The following RPA3 variants were observed in gnomAD, a reference collection of about 807,000 sequenced individuals.
The protein encoded by RPA3 is replication protein A3.
A neutral mutation model predicts 13.7 loss-of-function variants in RPA3; 24 were observed. That is an observed-to-expected ratio of 1.75 (90% CI 1.27 to 2.46). The LOEUF is 2.46. RPA3 is among the 30% of genes most tolerant of loss of function. The pLI, the probability that RPA3 is intolerant of heterozygous loss-of-function variation, is 0.00. For synonymous variants in RPA3, 59 were observed against 51.2 expected (o/e 1.15, Z -0.65); for missense variants, 183 against 151.0 (o/e 1.21, Z -1.11).
At chr7:7,714,229 A>G (rs1780836816) in intron 2 of RPA3, among the ~76,000 whole-genome samples, 1 of 152,192 alleles carries the variant, frequency 6.6e-6, no homozygotes, top group African/African-American at 2.4e-5. Flanking sequence ...CTCCACTTAT[A>G]TGACTTTGCA....
chr7:7,651,941 C>T (rs1452239174), intron 4 of RPA3, among the ~76,000 whole-genome samples: 1 of 152,130 alleles, frequency 6.6e-6, no homozygotes, highest in Non-Finnish European at 1.5e-5. Flanking sequence ...CCATTCAAAC[C>T]ACTGCCCTCC....
At chr7:7,716,472 G>T (rs4634522) in intron 1 of RPA3, among the ~76,000 whole-genome samples, 18,965 of 152,222 alleles carry the variant, frequency 0.12, 1,373 homozygotes, top group African/African-American at 0.2. Context: ...TAAGCAAGCT[G>T]GAAGCTTGCA....
At chr7:7,660,975 T>C (rs764558429) in intron 4 of RPA3, among the ~76,000 whole-genome samples, 7 of 150,462 alleles carry the variant, frequency 4.7e-5, no homozygotes, top group Non-Finnish European at 8.8e-5. Context: ...CATAGTCCCA[T>C]ATTTCTTGGA....
At chr7:7,662,628 C>A (rs1785504129) in intron 4 of RPA3, among the ~76,000 whole-genome samples, 1 of 152,120 alleles carries the variant, frequency 6.6e-6, no homozygotes, top group African/African-American at 2.4e-5. Context: ...TTTCTGTTCG[C>A]CCTCCTTGGG....
At chr7:7,690,622 A>G (rs527803323) in intron 2 of RPA3, among the ~76,000 whole-genome samples, 56 of 152,202 alleles carry the variant, frequency 3.7e-4, no homozygotes, top group Non-Finnish European at 7.3e-4. Flanking sequence ...CTAAACAGCC[A>G]CATATGTAAA....
At chr7:7,699,067 C>T (rs1487134037) in intron 2 of RPA3, among the ~76,000 whole-genome samples, 5 of 150,730 alleles carry the variant, frequency 3.3e-5, no homozygotes, top group Admixed American at 2.6e-4. Context: ...GGGTAGATAC[C>T]AGGTTTGCTA....
At chr7:7,645,136 GT>G (rs998192959) in intron 4 of RPA3, among the ~76,000 whole-genome samples, 2 of 151,584 alleles carry the variant, frequency 1.3e-5, no homozygotes, top group South Asian at 4.2e-4. Context: ...TTTTCTATCA[GT>G]TTTTTTTGGA....
intron 2 of RPA3, among the ~76,000 whole-genome samples, chr7:7,710,269 A>G (rs1447130483): frequency 6.6e-6 from 1 of 152,188 alleles, no homozygotes. Flanking sequence ...AAAAAACAAA[A>G]CACCTTGATC....
intron 2 of RPA3, among the ~76,000 whole-genome samples, chr7:7,699,352 T>G (rs1451624179): frequency 6.6e-6 from 1 of 152,228 alleles, no homozygotes. Context: ...ACTCATAAAC[T>G]TGGACCTCAA....
rs1244910812 is a variant in RPA3, at chr7:7,639,054, TA to T, written c.174+15del. 1.3e-6 allele frequency: 2 copies of T among 1,583,462 alleles called. No individual in the cohort carries two copies. Among genetic ancestry groups the T allele is most frequent in the East Asian group, 2.2e-5 (1 of 44,490 alleles). ...TAACTATAATATATAAGAGACTTATTAACACTTAAACATACGGGTTCCATCA... is the reference window on the plus strand; with the variant it reads ...TAACTATAATATATAAGAGACTTATTACACTTAAACATACGGGTTCCATCA... On this transcript the variant is annotated intron_variant, in intron 6 of 7. Coordinates refer to ENST00000223129, the MANE Select transcript of RPA3 (RefSeq NM_002947.5).
chr7:7,639,249 ACAGTTTATTCATT>A (rs1407677878), intron 5 of RPA3, 105 bp from the exon 6 acceptor site: 18 of 746,690 alleles, frequency 2.4e-5, no homozygotes, highest in African/African-American at 1.6e-4. Flanking sequence ...TGTTTCTTGA[ACAGTTTATTCATT>A]CAGTTTATTC....
At chr7:7,695,410 T>C (rs1268780425) in intron 2 of RPA3, among the ~76,000 whole-genome samples, 1 of 152,212 alleles carries the variant, frequency 6.6e-6, no homozygotes, top group Non-Finnish European at 1.5e-5. Flanking sequence ...TAACCTTGTC[T>C]TTCTGTCTTT....
intron 4 of RPA3, among the ~76,000 whole-genome samples, chr7:7,677,948 C>T (rs1779790613): frequency 6.6e-6 from 1 of 151,934 alleles, no homozygotes; most frequent in African/African-American, 2.4e-5. Context: ...GCTGGGATTA[C>T]AGGCGTGAGC....
chr7:7,679,711 A>C (rs868703338), intron 4 of RPA3, among the ~76,000 whole-genome samples: 1 of 128,468 alleles, frequency 7.8e-6, no homozygotes, highest in Non-Finnish European at 1.6e-5. Flanking sequence ...TTTATAGATA[A>C]ATATATATAT....
chr7:7,673,711 C>A (rs78026790), intron 4 of RPA3, among the ~76,000 whole-genome samples: 2 of 88,438 alleles, frequency 2.3e-5, no homozygotes, highest in Non-Finnish European at 5.0e-5. Context: ...TTTTCCCCCC[C>A]TTTTTTTTTT....
chr7:7,714,674 C>G (rs1190805075), intron 2 of RPA3, among the ~76,000 whole-genome samples: 1 of 152,026 alleles, frequency 6.6e-6, no homozygotes, highest in Non-Finnish European at 1.5e-5. Context: ...ATAAGAAAGA[C>G]TTAGAACTCC....
At chr7:7,662,406 C>T (rs1190563547) in intron 4 of RPA3, among the ~76,000 whole-genome samples, 3 of 152,094 alleles carry the variant, frequency 2.0e-5, no homozygotes, top group Non-Finnish European at 4.4e-5. Context: ...CCTAAATGGC[C>T]GCCCAGTTTT....
At chr7:7,701,194 A>G (rs1316672637) in intron 2 of RPA3, among the ~76,000 whole-genome samples, 3 of 152,208 alleles carry the variant, frequency 2.0e-5, no homozygotes, top group Non-Finnish European at 2.9e-5. Flanking sequence ...AATGGAATCT[A>G]TCATACCTAT....
At chr7:7,675,974 C>T (rs779454463) in intron 4 of RPA3, 81 of 393,104 alleles carry the variant, frequency 2.1e-4, no homozygotes, top group Non-Finnish European at 3.2e-4. Flanking sequence ...ATCCTCTGTA[C>T]ATAGTCTTCT....
Sources: gnomAD v4.1 joint callset for allele counts (sites outside exome capture counted in the v4.1 genomes callset) on GRCh38, gnomAD v4.1.1 for gene constraint, MANE v1.5 for transcripts, NCBI Gene and HGNC (gene_info 2026-07-23, HGNC 2026-07-21) for gene names.